The following TSPAN14 variants were observed in gnomAD, a reference collection of about 807,000 sequenced individuals.
TSPAN14 encodes the protein tetraspanin-14.
A neutral mutation model predicts 36.6 loss-of-function variants in TSPAN14; 16 were observed. That is an observed-to-expected ratio of 0.44 (90% confidence interval 0.30 to 0.66). TSPAN14 has a LOEUF of 0.66. Ranked by LOEUF, TSPAN14 falls within the 30% of genes least tolerant of loss-of-function variation. The pLI, the probability that TSPAN14 is intolerant of heterozygous loss-of-function variation, is 0.12. For synonymous variants in TSPAN14, 139 were observed against 143.8 expected (o/e 0.97, Z 0.24); for missense variants, 231 against 355.1 (o/e 0.65, Z 2.81).
intron 1 of TSPAN14, among the ~76,000 whole-genome samples, chr10:80,463,602 C>G (rs568863115): frequency 3.3e-4 from 51 of 152,318 alleles, no homozygotes; most frequent in African/African-American, 1.2e-3. Flanking sequence ...CATGATTCTG[C>G]TGCACAGTGA....
At chr10:80,495,335 CTGTGTG>C (rs3041272) in intron 2 of TSPAN14, among the ~76,000 whole-genome samples, 10 of 135,742 alleles carry the variant, frequency 7.4e-5, no homozygotes, top group Non-Finnish European at 1.5e-4. Flanking sequence ...TCTTTTGGCA[CTGTGTG>C]TGTGTGTGTG....
intron 2 of TSPAN14, among the ~76,000 whole-genome samples, chr10:80,491,879 G>T (rs1415853329): frequency 6.6e-6 from 1 of 152,228 alleles, no homozygotes; most frequent in Non-Finnish European, 1.5e-5. Flanking sequence ...GAGGCCAAGT[G>T]CCTTGCCTAG....
chr10:80,498,062 G>A (rs1848289641), intron 2 of TSPAN14, among the ~76,000 whole-genome samples: 2 of 152,208 alleles, frequency 1.3e-5, no homozygotes, highest in Admixed American at 6.5e-5. Flanking sequence ...ACACAGGACA[G>A]ATAACTGCAG....
At chr10:80,506,663 C>G (rs944087230) in intron 3 of TSPAN14, among the ~76,000 whole-genome samples, 1 of 152,226 alleles carries the variant, frequency 6.6e-6, no homozygotes, top group Admixed American at 6.5e-5. Context: ...GTCCTTCTGT[C>G]TCATTAGCCA....
chr10:80,521,997 G>A (rs1365130192), exon 9 of TSPAN14: 1 of 151,450 alleles, frequency 6.6e-6, no homozygotes, highest in East Asian at 1.9e-4. Context: ...AGTGGGCATT[G>A]TAGAACTTGG....
At chr10:80,501,763 T>C (rs920092466) in intron 2 of TSPAN14, among the ~76,000 whole-genome samples, 7 of 152,208 alleles carry the variant, frequency 4.6e-5, no homozygotes, top group Admixed American at 3.3e-4. Context: ...ACATTTGCTC[T>C]GAATGCCTTT....
intron 1 of TSPAN14, among the ~76,000 whole-genome samples, chr10:80,460,941 G>C (rs1193326005): frequency 6.6e-6 from 1 of 152,134 alleles, no homozygotes; most frequent in African/African-American, 2.4e-5. Flanking sequence ...GTCTGAGCTG[G>C]GCAGAGGGAG....
At chr10:80,514,751 T>G (rs1840839617) in intron 7 of TSPAN14, among the ~76,000 whole-genome samples, 1 of 152,152 alleles carries the variant, frequency 6.6e-6, no homozygotes, top group Non-Finnish European at 1.5e-5. Flanking sequence ...TGCTGTAAAC[T>G]GAATGTGTGT....
exon 9 of TSPAN14, chr10:80,518,238 ACT>A (rs1841052930): frequency 1.9e-6 from 1 of 515,062 alleles, no homozygotes; most frequent in Non-Finnish European, 3.5e-6. Context: ...GGGAGTGGTG[ACT>A]CTGAAAGACA....
intron 1 of TSPAN14, among the ~76,000 whole-genome samples, chr10:80,462,341 C>T (rs73305132): frequency 2.0e-5 from 2 of 98,172 alleles, no homozygotes; most frequent in Admixed American, 1.5e-4. Context: ...TGGCCTAGGG[C>T]GTAGGAATGG....
At chr10:80,470,097 TC>T (rs1279512565) in intron 1 of TSPAN14, among the ~76,000 whole-genome samples, 1 of 152,212 alleles carries the variant, frequency 6.6e-6, no homozygotes, top group Non-Finnish European at 1.5e-5. Context: ...AATTTTTTTT[TC>T]TTTTTGAGAC....
chr10:80,455,266 A>AAGTCGTGGGC (rs1053441488), intron 1 of TSPAN14, among the ~76,000 whole-genome samples: 1 of 151,642 alleles, frequency 6.6e-6, no homozygotes, highest in African/African-American at 2.4e-5. Flanking sequence ...GAGTCGGGGG[A>AAGTCGTGGGC]AGTCGTGGGC....
chr10:80,458,723 G>A (rs191510436), intron 1 of TSPAN14, among the ~76,000 whole-genome samples: 2 of 152,148 alleles, frequency 1.3e-5, no homozygotes, highest in Non-Finnish European at 2.9e-5. Flanking sequence ...GAATCAGGGA[G>A]GTTATTCATA....
intron 8 of TSPAN14, 73 bp from the exon 9 acceptor site, chr10:80,517,832 C>T: frequency 6.8e-7 from 1 of 1,464,284 alleles, no homozygotes; most frequent in Non-Finnish European, 9.4e-7. Context: ...AGCTCCCAAC[C>T]CCACCCTCCG....
intron 1 of TSPAN14, among the ~76,000 whole-genome samples, chr10:80,462,198 G>A (rs11203026): frequency 0.013 from 2,032 of 152,276 alleles, 22 homozygotes; most frequent in South Asian, 0.039. Context: ...ATATTTAGCA[G>A]TCTTCAGAAA....
chr10:80,473,434 G>A (rs1846668656), intron 1 of TSPAN14, among the ~76,000 whole-genome samples: 1 of 152,210 alleles, frequency 6.6e-6, no homozygotes, highest in East Asian at 1.9e-4. Flanking sequence ...GGAGAGCCTG[G>A]TGGAGCTCAG....
intron 2 of TSPAN14, among the ~76,000 whole-genome samples, chr10:80,497,491 G>A (rs1340359202): frequency 1.3e-5 from 2 of 152,222 alleles, no homozygotes; most frequent in African/African-American, 2.4e-5. Flanking sequence ...TAATTGCTAC[G>A]GGGATCATCC....
At chr10:80,495,029 A>G (rs1848122744) in intron 2 of TSPAN14, among the ~76,000 whole-genome samples, 1 of 152,086 alleles carries the variant, frequency 6.6e-6, no homozygotes, top group Non-Finnish European at 1.5e-5. Flanking sequence ...TAGAACATCT[A>G]CTAATATAGA....
intron 1 of TSPAN14, among the ~76,000 whole-genome samples, chr10:80,476,685 G>T (rs1846934802): frequency 1.3e-5 from 2 of 152,054 alleles, no homozygotes; most frequent in South Asian, 4.1e-4. Flanking sequence ...AAAGTGCTGG[G>T]ATTACAGGAG....
Sources: gnomAD v4.1 joint callset for allele counts (sites outside exome capture counted in the v4.1 genomes callset) on GRCh38, gnomAD v4.1.1 for gene constraint, MANE v1.5 for transcripts, NCBI Gene and HGNC (gene_info 2026-07-23, HGNC 2026-07-21) for gene names.